OTUD7B: variants seen among roughly 807,000 people sequenced by gnomAD.
OTUD7B encodes the protein OTU domain-containing protein 7B.
Under a neutral mutation model 82.2 loss-of-function variants are expected in OTUD7B, and 34 were observed. The observed-to-expected ratio is 0.41, with a 90% confidence interval of 0.31 to 0.55. OTUD7B has a LOEUF of 0.55. Among genes scored for constraint, OTUD7B ranks in the 20% least tolerant of loss-of-function variants. OTUD7B has a pLI of 0.20. For missense variants in OTUD7B, 944 were observed against 1,062.1 expected (o/e 0.89, Z 1.55); for synonymous variants, 398 against 402.7 (o/e 0.99, Z 0.14).
chr1:150,061,803 T>C, the OTUD7B span, among the ~76,000 whole-genome samples: 3 of 152,230 alleles, frequency 2.0e-5, no homozygotes, highest in Non-Finnish European at 4.4e-5. Context: ...AAATGATGTA[T>C]TAGTCTTTAT....
In OTUD7B at chr1:149,947,445, G is replaced by T. The variant is rs1397797237; in HGVS notation, c.1239-110C>A. ...CTACATGGCTTAGGACTCAAATAGGGTTGGGTTTGAACTATTTCTCCACCA... is the reference window on the plus strand; with the variant it reads ...CTACATGGCTTAGGACTCAAATAGGTTTGGGTTTGAACTATTTCTCCACCA... On this transcript the variant is annotated intron_variant, in intron 10 of 11. Transcript: ENST00000581312. 12 of 622,198 alleles carry T rather than the reference G, an allele frequency of 1.9e-5. No individual in the cohort carries two copies. The East Asian group carries it at 3.6e-4, about 19-fold the overall frequency. 38.5% of individuals were successfully genotyped at this position (622,198 alleles called of 1,614,324 possible).
At chr1:150,033,227 C>G in the OTUD7B span, among the ~76,000 whole-genome samples, 2 of 152,114 alleles carry the variant, frequency 1.3e-5, no homozygotes, top group Non-Finnish European at 2.9e-5. Flanking sequence ...AAAAATTGTA[C>G]TACTGTACAT....
rs1553770266 is a variant in OTUD7B at position 149,940,800 on chromosome 1, C to T, written c.*3057G>A. 1 of 152,092 alleles carries T rather than the reference C, an allele frequency of 6.6e-6. No homozygotes were observed. The highest frequency in any genetic ancestry group is 1.9e-4 in the East Asian group (1 of 5,186). 9.4% of individuals were successfully genotyped at this position (152,092 alleles called of 1,614,324 possible). ...CATGGGCTTGCCTCTTCTATTCCCT[C>T]ATCTTCCCAAAATACCACAAACCAA... On this transcript the variant is annotated 3_prime_UTR_variant, in exon 12 of 12. Coordinates refer to ENST00000581312, the MANE Select transcript of OTUD7B (RefSeq NM_020205.4).
rs781861385 is a variant in OTUD7B, at chr1:149,944,358, G to C, written c.2031C>G (p.Thr677=). The C allele has an allele frequency of 1.2e-6, 2 of 1,613,532 alleles. No homozygotes were observed. Among genetic ancestry groups the C allele is most frequent in the South Asian group, 2.2e-5 (2 of 91,040 alleles). ...TTGCCCTGGACTCTGCTGGGGGACC[G>C]GTCGGCTGCTCTTCCCTAGCATCTG... ...PEPDAREEQP[T]GPPAESRAMA... is the part of the protein sequence containing the mutation. The change falls in exon 12 of 12, where the codon ACC becomes ACG. Residue 677 remains threonine, a synonymous_variant. Coordinates refer to ENST00000581312, the MANE Select transcript of OTUD7B (RefSeq NM_020205.4).
chr1:149,951,411 G>A (rs1450473588), intron 7 of OTUD7B, among the ~76,000 whole-genome samples: 1 of 152,118 alleles, frequency 6.6e-6, no homozygotes, highest in Non-Finnish European at 1.5e-5. Context: ...GCCTTCCTGT[G>A]TGTTTCTTTT....
At chr1:150,008,273 C>G (rs1652797490) in intron 1 of OTUD7B, among the ~76,000 whole-genome samples, 1 of 152,166 alleles carries the variant, frequency 6.6e-6, no homozygotes, top group Non-Finnish European at 1.5e-5. Flanking sequence ...GATATCATCA[C>G]TAATATTGGC....
At chr1:150,031,358 T>G in the OTUD7B span, among the ~76,000 whole-genome samples, 3 of 152,156 alleles carry the variant, frequency 2.0e-5, no homozygotes, top group Non-Finnish European at 2.9e-5. Flanking sequence ...TTACTTTCCC[T>G]TCTACTGCCA....
the OTUD7B span, among the ~76,000 whole-genome samples, chr1:150,025,932 CTGTT>C: frequency 3.3e-5 from 5 of 152,178 alleles, no homozygotes; most frequent in South Asian, 4.1e-4. Context: ...CTCTGATAGT[CTGTT>C]TGTCAGGTTG....
Position 149,986,237 on chromosome 1 carries a change from T to TCACACACA in OTUD7B, c.-66-8669_-66-8662dup, listed in dbSNP as rs34962941. On this transcript the variant is annotated intron_variant, in intron 1 of 11. Transcript: ENST00000581312. Reference sequence around the variant, plus strand: ...TGAAGTATATTTGTATGGTACCCCATCACACACACACACACACACACACAC... The same window carrying TCACACACA: ...TGAAGTATATTTGTATGGTACCCCATCACACACACACACACACACACACACACACACAC... Among the ~76,000 whole-genome samples, 316 of 136,592 alleles carry TCACACACA rather than the reference T, an allele frequency of 2.3e-3. 2 individuals are homozygous for TCACACACA. Among genetic ancestry groups the TCACACACA allele is most frequent in the African/African-American group, 8.4e-3 (297 of 35,340 alleles). 89.6% of individuals were successfully genotyped at this position (136,592 alleles called of 152,430 possible).
At chr1:149,959,603 A>C in intron 7 of OTUD7B, 81 bp downstream of exon 7, 1 of 834,540 alleles carries the variant, frequency 1.2e-6, no homozygotes, top group Non-Finnish European at 2.1e-6. Context: ...CTCTTAGCAC[A>C]GAGCTCTCTA....
At chr1:149,950,893 G>A (rs1368611202) in intron 7 of OTUD7B, among the ~76,000 whole-genome samples, 4 of 144,432 alleles carry the variant, frequency 2.8e-5, no homozygotes, top group African/African-American at 7.7e-5. Context: ...CCAAGTTCAC[G>A]CCATTCTCCT....
upstream of OTUD7B, among the ~76,000 whole-genome samples, chr1:150,014,192 A>C (rs181207569): frequency 7.1e-6 from 1 of 140,594 alleles, no homozygotes; most frequent in East Asian, 2.2e-4. Flanking sequence ...TGAGCACAGG[A>C]GTTTGAGACC....
At chr1:150,000,133 A>G (rs1326382233) in intron 1 of OTUD7B, among the ~76,000 whole-genome samples, 6 of 152,216 alleles carry the variant, frequency 3.9e-5, no homozygotes, top group Admixed American at 3.9e-4. Flanking sequence ...GATAGTTTAC[A>G]CTGGGACTTT....
chr1:149,960,544 C>T, intron 6 of OTUD7B, among the ~76,000 whole-genome samples: 1 of 151,502 alleles, frequency 6.6e-6, no homozygotes, highest in East Asian at 1.9e-4. Context: ...CCACCAGGCC[C>T]AGCTAATTTT....
At chr1:149,997,050 T>C (rs1194913749) in intron 1 of OTUD7B, among the ~76,000 whole-genome samples, 1 of 152,108 alleles carries the variant, frequency 6.6e-6, no homozygotes, top group Admixed American at 6.5e-5. Context: ...AGCAGCTGAG[T>C]TCCTAGTCAA....
In OTUD7B at chr1:149,950,357, C is replaced by T. The variant is rs74124099; in HGVS notation, c.846-136G>A. On this transcript the variant is annotated intron_variant, in intron 7 of 11. Transcript: ENST00000581312. The stretch of plus-strand genomic sequence containing the variant: ...CCTGGTTTTCCAATCTTAAGGCTGC[C>T]ACTGATATAGCTGATTATTTTATGC... 1,643 of 797,528 alleles carry T rather than the reference C, an allele frequency of 2.1e-3. 21 individuals carry two copies. In the African/African-American group the frequency reaches 0.026, roughly 13 times the overall value. 49.4% of individuals were successfully genotyped at this position (797,528 alleles called of 1,614,324 possible).
At chr1:149,949,499 G>C in intron 9 of OTUD7B, 130 bp downstream of exon 9, 1 of 963,646 alleles carries the variant, frequency 1.0e-6, no homozygotes, top group Non-Finnish European at 1.5e-6. Flanking sequence ...CGTAACTTCT[G>C]GCTTAATAAA....
rs1553771193 is a variant in OTUD7B at position 149,944,115 on chromosome 1, T to C, written c.2274A>G (p.Gly758=). The C allele has an allele frequency of 6.2e-7, 1 of 1,614,026 alleles. No homozygotes were observed. The highest frequency in any genetic ancestry group is 1.7e-5 in the Admixed American group (1 of 60,020). The change falls in exon 12 of 12, where the codon GGA becomes GGG. Residue 758 remains glycine (G), a synonymous_variant. Transcript: ENST00000581312. ...SLEPGSHSKD[G]LHRGALLPPP... ...GTGGTAACAAGGCACCCCTGTGAAG[T>C]CCATCCTTAGAGTGGCTGCCTGGCT...
intron 1 of OTUD7B, among the ~76,000 whole-genome samples, chr1:149,983,812 A>C (rs1650951032): frequency 6.6e-6 from 1 of 152,230 alleles, no homozygotes; most frequent in African/African-American, 2.4e-5. Context: ...AGTTTGGAAG[A>C]AGCACAGTGG....
Sources: gnomAD v4.1 joint callset for allele counts (sites outside exome capture counted in the v4.1 genomes callset) on GRCh38, gnomAD v4.1.1 for gene constraint, MANE v1.5 for transcripts, NCBI Gene and HGNC (gene_info 2026-07-23, HGNC 2026-07-21) for gene names.